The following RAB7B variants were observed in gnomAD, a reference collection of about 807,000 sequenced individuals.
RAB7B encodes ras-related protein Rab-7b.
rs933137396 is a variant in RAB7B at position 205,981,152 on chromosome 1, T to C, written c.523-2224A>G. Among the ~76,000 whole-genome samples the C allele has an allele frequency of 2.0e-5, 3 of 152,230 alleles. No homozygotes were observed. The East Asian group carries it at 5.8e-4, about 30-fold the overall frequency. ...CAAACAATCCATCTGCCTTGCCGGA[T>C]GTAATCCCAAAATGCTGGGATTACA... On this transcript the variant is annotated intron_variant, in intron 5 of 5. Coordinates refer to ENST00000617070, the MANE Select transcript of RAB7B (RefSeq NM_001164522.3).
chr1:205,992,414 A>G (rs949679451), intron 4 of RAB7B, 66 bp downstream of exon 4: 1 of 398,286 alleles, frequency 2.5e-6, no homozygotes, highest in African/African-American at 2.1e-5. Flanking sequence ...GGGACCTAAC[A>G]CTGTGCCTGG....
At chr1:205,995,918 T>A (rs1660805246) in intron 1 of RAB7B, among the ~76,000 whole-genome samples, 1 of 152,220 alleles carries the variant, frequency 6.6e-6, no homozygotes, top group Non-Finnish European at 1.5e-5. Flanking sequence ...GTAATGCAGA[T>A]GTTAATTACC....
intron 2 of RAB7B, among the ~76,000 whole-genome samples, 161 bp downstream of exon 2, chr1:205,993,922 C>T (rs1660767603): frequency 6.6e-6 from 1 of 152,188 alleles, no homozygotes; most frequent in Admixed American, 6.5e-5. Context: ...TTACATGCAG[C>T]TTCTTTGTCC....
At chr1:205,990,667 A>C (rs1660705679) in intron 4 of RAB7B, among the ~76,000 whole-genome samples, 1 of 152,152 alleles carries the variant, frequency 6.6e-6, no homozygotes, top group South Asian at 2.1e-4. Flanking sequence ...GACCCTTGTC[A>C]TGGGAGGTAC....
rs1460589015 is a variant in RAB7B at position 205,992,930 on chromosome 1, T to C, written c.181-235A>G. Among the ~76,000 whole-genome samples the C allele has an allele frequency of 2.0e-5, 3 of 152,326 alleles. No homozygotes were observed. The East Asian group carries it at 5.8e-4, about 29-fold the overall frequency. ...AATTTCACATCTGAGCTCTCATTTTTCCTCTGGGTCATCAAGGTGGCAATT... is the reference window on the plus strand; with the variant it reads ...AATTTCACATCTGAGCTCTCATTTTCCCTCTGGGTCATCAAGGTGGCAATT... On this transcript the variant is annotated intron_variant, in intron 3 of 5. Transcript: ENST00000617070.
chr1:205,983,460 C>T (rs950005256), intron 5 of RAB7B, among the ~76,000 whole-genome samples: 2 of 152,204 alleles, frequency 1.3e-5, no homozygotes, highest in African/African-American at 2.4e-5. Flanking sequence ...CATGTCACTC[C>T]GGGACAGTCA....
rs1660592682 is a variant in RAB7B at position 205,985,809 on chromosome 1, G to GCCCACCATC, written c.397-145_397-144insGATGGTGGG. On this transcript the variant is annotated intron_variant, in intron 4 of 5. Transcript: ENST00000617070. ...CCACCAGGCCCACCATCCCCACCAG[G>GCCCACCATC]CCCACCAGGCCCACCATCCCCACCA... is the stretch of plus-strand genomic sequence containing the variant. The GCCCACCATC allele has an allele frequency of 9.8e-4, 129 of 131,266 alleles. 1 individual carries two copies. Among genetic ancestry groups the GCCCACCATC allele is most frequent in the East Asian group, 1.3e-3 (11 of 8,680 alleles). The allele number at this position is 131,266 out of a possible 1,614,324, so 8.1% of individuals were successfully genotyped here. A position where few individuals can be genotyped will look rare whatever the true frequency, so the allele number is the denominator to read the frequency against.
chr1:205,985,256 G>A (rs1478709805), intron 5 of RAB7B, among the ~76,000 whole-genome samples: 1 of 152,160 alleles, frequency 6.6e-6, no homozygotes, highest in Non-Finnish European at 1.5e-5. Flanking sequence ...CAGGGCTCAG[G>A]TACAGGACTG....
intron 1 of RAB7B, among the ~76,000 whole-genome samples, chr1:206,002,033 T>A (rs1660901133): frequency 6.6e-6 from 1 of 152,134 alleles, no homozygotes; most frequent in Admixed American, 6.5e-5. Context: ...CCCGCCCCCA[T>A]CATACTATCT....
intron 5 of RAB7B, among the ~76,000 whole-genome samples, chr1:205,984,704 G>A (rs1660558477): frequency 6.6e-6 from 1 of 152,140 alleles, no homozygotes; most frequent in Non-Finnish European, 1.5e-5. Context: ...AACCTTGAAC[G>A]CAATGTGCTT....
chr1:206,000,066 G>A (rs944670316), intron 1 of RAB7B, among the ~76,000 whole-genome samples: 7 of 152,198 alleles, frequency 4.6e-5, no homozygotes, highest in Admixed American at 1.3e-4. Context: ...GAGCCACCAC[G>A]CCTGGCCAAG....
At chr1:205,998,556 G>C (rs1225626967) in intron 1 of RAB7B, among the ~76,000 whole-genome samples, 2 of 152,218 alleles carry the variant, frequency 1.3e-5, no homozygotes, top group East Asian at 3.8e-4. Flanking sequence ...ATACAGTGGG[G>C]GTGGAGAGAA....
chr1:206,000,383 C>T (rs973805120), intron 1 of RAB7B, among the ~76,000 whole-genome samples: 8 of 152,152 alleles, frequency 5.3e-5, no homozygotes, highest in South Asian at 2.1e-4. Context: ...GCAATTTGAG[C>T]GTGATTTTCA....
At chr1:205,995,347 G>C (rs886940129) in intron 1 of RAB7B, among the ~76,000 whole-genome samples, 8 of 151,874 alleles carry the variant, frequency 5.3e-5, no homozygotes, top group Non-Finnish European at 1.2e-4. Context: ...ATAGAAAAAC[G>C]CCTGGAAGGA....
At chr1:205,979,465 A>G (rs1157759883) in intron 5 of RAB7B, among the ~76,000 whole-genome samples, 1 of 151,784 alleles carries the variant, frequency 6.6e-6, no homozygotes, top group African/African-American at 2.4e-5. Context: ...TCTTGTCCCA[A>G]CAAGGGTCCA....
intron 2 of RAB7B, 73 bp downstream of exon 2, chr1:205,994,010 G>T: frequency 2.5e-6 from 1 of 398,412 alleles, no homozygotes; most frequent in South Asian, 1.3e-4. Context: ...TGGGAGATGG[G>T]AACACATCAG....
chr1:205,995,588 C>A (rs1229408441), intron 1 of RAB7B, among the ~76,000 whole-genome samples: 1 of 152,142 alleles, frequency 6.6e-6, no homozygotes, highest in Non-Finnish European at 1.5e-5. Flanking sequence ...TTTATGACAA[C>A]ATGGGTAAAC....
intron 5 of RAB7B, chr1:205,983,625 T>C (rs1660533720): frequency 6.6e-6 from 1 of 152,112 alleles, no homozygotes; most frequent in African/African-American, 2.4e-5. Context: ...TGCCAAGGGG[T>C]CCACTTGAGA....
In RAB7B at chr1:205,985,285, C is replaced by T. The variant is rs1034911069; in HGVS notation, c.522+255G>A. Among the ~76,000 whole-genome samples the T allele has an allele frequency of 4.4e-4, 67 of 152,274 alleles. 1 individual carries two copies. Among genetic ancestry groups the T allele is most frequent in the East Asian group, 1.3e-3 (7 of 5,186 alleles). ...AGGACTGGAGTTTTTAGATACTCCACGAGGGATTTGGTTAGTTAGCTGGAT... is the reference window on the plus strand; with the variant it reads ...AGGACTGGAGTTTTTAGATACTCCATGAGGGATTTGGTTAGTTAGCTGGAT... On this transcript the variant is annotated intron_variant, in intron 5 of 5. Coordinates refer to ENST00000617070, the MANE Select transcript of RAB7B (RefSeq NM_001164522.3).
Sources: gnomAD v4.1 joint callset for allele counts (sites outside exome capture counted in the v4.1 genomes callset) on GRCh38, gnomAD v4.1.1 for gene constraint, MANE v1.5 for transcripts, NCBI Gene and HGNC (gene_info 2026-07-23, HGNC 2026-07-21) for gene names.